The following REL variants were observed in gnomAD, a reference collection of about 807,000 sequenced individuals.
REL encodes REL proto-oncogene, NF-kB subunit.
Under a neutral mutation model 45.9 loss-of-function variants are expected in REL, and 15 were observed. The observed-to-expected ratio is 0.33, with a 90% CI of 0.22 to 0.50. The LOEUF (loss-of-function observed/expected upper bound fraction) is 0.50, where lower values mean the gene tolerates loss of function less well. Ranked by LOEUF, REL falls within the 20% of genes least tolerant of loss-of-function variation. The pLI, the probability that REL is intolerant of heterozygous loss-of-function variation, is 0.98. For synonymous variants in REL, 239 were observed against 242.1 expected (o/e 0.99, Z 0.12); for missense variants, 601 against 715.2 (o/e 0.84, Z 1.82).
intron 1 of REL, among the ~76,000 whole-genome samples, chr2:60,887,350 A>T (rs77403792): frequency 2.6e-5 from 4 of 152,224 alleles, no homozygotes; most frequent in Admixed American, 1.3e-4. Flanking sequence ...GAATCTAATT[A>T]AAAAATCTGA....
In REL at chr2:60,894,507, C is replaced by T; in HGVS notation, c.264C>T (p.Tyr88=). The T allele has an allele frequency of 6.2e-7, 1 of 1,604,050 alleles. No homozygotes were observed. Among genetic ancestry groups the T allele is most frequent in the Non-Finnish European group, 8.5e-7 (1 of 1,175,062 alleles). ...TTGGAAAAGACTGCAGAGACGGCTA[C>T]TATGAAGCAGAATTTGGACAAGAAC... ...DLVGKDCRDG[Y]YEAEFGQERR... Residue 88 remains tyrosine (Y), a synonymous_variant, in exon 3 of 10, where the codon TAC becomes TAT. Transcript: ENST00000394479.
At chr2:60,898,890 C>T (rs151249624) in intron 3 of REL, 2 of 152,218 alleles carry the variant, frequency 1.3e-5, no homozygotes, top group East Asian at 1.9e-4. Flanking sequence ...GTATATAGTA[C>T]GAACCCCAAA....
chr2:60,902,025 T>G (rs1366321797), intron 4 of REL, among the ~76,000 whole-genome samples: 1 of 152,176 alleles, frequency 6.6e-6, no homozygotes, highest in African/African-American at 2.4e-5. Context: ...ACTACCACAC[T>G]AGATGCTGGC....
At chr2:60,886,789 C>G (rs983336101) in intron 1 of REL, among the ~76,000 whole-genome samples, 3 of 152,002 alleles carry the variant, frequency 2.0e-5, no homozygotes, top group African/African-American at 7.2e-5. Flanking sequence ...TAGATAGGCA[C>G]TATGTTTTAA....
intron 4 of REL, among the ~76,000 whole-genome samples, chr2:60,912,149 C>T (rs970059453): frequency 1.3e-5 from 2 of 151,814 alleles, no homozygotes; most frequent in African/African-American, 2.4e-5. Context: ...AGTATTAATA[C>T]TAATTAAGGC....
intron 3 of REL, among the ~76,000 whole-genome samples, chr2:60,895,317 G>A (rs1171453972): frequency 2.0e-5 from 3 of 151,994 alleles, no homozygotes; most frequent in East Asian, 3.9e-4. Context: ...GAGTAGCTGG[G>A]ACTGCAGGCA....
chr2:60,924,397 G>A lies in REL; in HGVS notation c.*1862G>A, dbSNP rs772301262. 4.7e-6 allele frequency: 1 copy of A among 214,634 alleles called. No homozygotes were observed. The allele number at this position is 214,634 out of a possible 1,614,324, so 13.3% of individuals were successfully genotyped here. A position where few individuals can be genotyped will look rare whatever the true frequency, so the allele number is the denominator to read the frequency against. ...AGTAAATGTTTATTGAACATTAAAA[G>A]TATTACTAATAGAACTTTGGTTTTT... On this transcript the variant is annotated 3_prime_UTR_variant, in exon 10 of 10. Coordinates refer to ENST00000394479, the MANE Select transcript of REL (RefSeq NM_001291746.2).
intron 1 of REL, among the ~76,000 whole-genome samples, chr2:60,882,946 A>G (rs921995900): frequency 8.5e-5 from 13 of 152,098 alleles, no homozygotes; most frequent in Non-Finnish European, 4.4e-5. Context: ...AGTCTCCTAT[A>G]TACACAGATG....
Position 60,884,465 on chromosome 2 carries a change from TCA to T in REL, c.10+2618_10+2619del, listed in dbSNP as rs551490037. Reference sequence around the variant, plus strand: ...GCTTTTTAAAAAAATTACACCTTGATCACAGTCTTTTGACATAATTAATAATA... The same window carrying T: ...GCTTTTTAAAAAAATTACACCTTGATCAGTCTTTTGACATAATTAATAATA... On this transcript the variant is annotated intron_variant, in intron 1 of 9. Transcript: ENST00000394479. Among the ~76,000 whole-genome samples the T allele has an allele frequency of 5.0e-4, 76 of 152,220 alleles. 1 individual carries two copies. The highest frequency in any genetic ancestry group is 1.3e-3 in the African/African-American group (56 of 41,582).
At chr2:60,911,144 C>T (rs755109442) in intron 4 of REL, among the ~76,000 whole-genome samples, 80 of 152,192 alleles carry the variant, frequency 5.3e-4, no homozygotes, top group Middle Eastern at 3.4e-3. Context: ...AGGTCATAGC[C>T]AGAGCAGTGA....
At chr2:60,905,983 A>T (rs1472590749) in intron 4 of REL, among the ~76,000 whole-genome samples, 1 of 152,230 alleles carries the variant, frequency 6.6e-6, no homozygotes, top group African/African-American at 2.4e-5. Context: ...AAGAAAAAGA[A>T]GTTTAATTGG....
intron 4 of REL, among the ~76,000 whole-genome samples, chr2:60,905,199 A>G (rs542559722): frequency 3.2e-4 from 49 of 152,220 alleles, no homozygotes; most frequent in Non-Finnish European, 6.0e-4. Flanking sequence ...GGTTCACACC[A>G]TTCTCCTGCC....
chr2:60,886,638 T>G (rs1673078454), intron 1 of REL, among the ~76,000 whole-genome samples: 1 of 152,124 alleles, frequency 6.6e-6, no homozygotes, highest in Non-Finnish European at 1.5e-5. Flanking sequence ...TTACAATAAT[T>G]AGCTTTTTTT....
rs1674357384 is a variant in REL at position 60,930,283 on chromosome 2, A to G, written c.*7748A>G. ...TGTCCCGGATTAATCTTTAATTTAG[A>G]TACTCCTTCTAGTTATCTAATACAC... On this transcript the variant is annotated 3_prime_UTR_variant, in exon 10 of 10. Coordinates refer to ENST00000394479, the MANE Select transcript of REL (RefSeq NM_001291746.2). The G allele has an allele frequency of 6.6e-6, 1 of 152,374 alleles. No individual in the cohort carries two copies. Among genetic ancestry groups the G allele is most frequent in the Non-Finnish European group, 1.5e-5 (1 of 68,028 alleles). The allele number at this position is 152,374 out of a possible 1,614,324, so 9.4% of individuals were successfully genotyped here.
At chr2:60,913,855 A>G (rs1415161578) in intron 4 of REL, among the ~76,000 whole-genome samples, 3 of 152,308 alleles carry the variant, frequency 2.0e-5, no homozygotes, top group African/African-American at 7.2e-5. Context: ...ATCATCTATC[A>G]TTACCAAAGT....
chr2:60,909,914 A>T (rs1434077696), intron 4 of REL, among the ~76,000 whole-genome samples: 1 of 152,018 alleles, frequency 6.6e-6, no homozygotes, highest in Non-Finnish European at 1.5e-5. Context: ...AAAAAATAAA[A>T]TTATTATTCC....
At chr2:60,884,751 G>T (rs763750944) in intron 1 of REL, among the ~76,000 whole-genome samples, 4 of 152,034 alleles carry the variant, frequency 2.6e-5, no homozygotes. Context: ...TCTTAGTATG[G>T]TTCTTCTGTG....
At chr2:60,899,132 T>C (rs1421936445) in intron 3 of REL, 1 of 152,182 alleles carries the variant, frequency 6.6e-6, no homozygotes, top group Admixed American at 6.5e-5. Context: ...TTCAAAGAAG[T>C]GGAAATACTT....
At chr2:60,890,278 A>G (rs1031975532) in intron 1 of REL, among the ~76,000 whole-genome samples, 13 of 152,244 alleles carry the variant, frequency 8.5e-5, no homozygotes, top group African/African-American at 2.9e-4. Context: ...AATTTAGCAC[A>G]TATAATCTGT....
Sources: allele counts gnomAD v4.1 joint callset (sites outside exome capture counted in the v4.1 genomes callset), GRCh38; gene constraint gnomAD v4.1.1; transcripts MANE v1.5; gene names NCBI Gene and HGNC (gene_info 2026-07-23, HGNC 2026-07-21).